ABCC4: variants seen among roughly 807,000 people sequenced by gnomAD.
ABCC4 encodes ATP-binding cassette sub-family C member 4.
Under a neutral mutation model 168.5 loss-of-function variants are expected in ABCC4, and 102 were observed. The ratio of observed to expected loss-of-function variants is 0.61; its 90% CI spans 0.52 to 0.71. The LOEUF is 0.71. Among genes scored for constraint, ABCC4 ranks in the 30% least tolerant of loss-of-function variants. The pLI is 0.00. For synonymous variants in ABCC4, 617 were observed against 590.7 expected (o/e 1.04, Z -0.65); for missense variants, 1,402 against 1,605.8 (o/e 0.87, Z 2.17).
At position 95,163,185 on chromosome 13, in the gene ABCC4, C is replaced by A; in HGVS notation, c.2245G>T (p.Val749Leu). Reference protein sequence around the residue: ...ANKQSMLNVTVNGGGNVTEKL... With the variant: ...ANKQSMLNVTLNGGGNVTEKL... ...TCGGTTACATTTCCTCCTCCATTTA[C>A]AGTGACATTTAGCATACTTTGTTTG... The change falls in exon 18 of 31, where the codon GTA becomes TTA. Residue 749 changes from valine (V) to leucine (L), a missense_variant. This residue lies in a region of ABCC4 where 1,007 missense variants were observed against 1,127.3 expected (regional missense o/e 0.89). Coordinates refer to ENST00000645237, the MANE Select transcript of ABCC4 (RefSeq NM_005845.5). 2.5e-6 allele frequency: 4 copies of A among 1,613,178 alleles called. No homozygotes were observed. Among genetic ancestry groups the A allele is most frequent in the Non-Finnish European group, 3.4e-6 (4 of 1,179,416 alleles).
intron 1 of ABCC4, among the ~76,000 whole-genome samples, chr13:95,295,952 G>C (rs561177498): frequency 4.5e-5 from 6 of 132,906 alleles, no homozygotes; most frequent in African/African-American, 1.9e-4. Flanking sequence ...GGGTGACAGT[G>C]AGACTCCGTC....
chr13:95,142,218 G>A (rs1223757072), intron 19 of ABCC4, among the ~76,000 whole-genome samples: 1 of 152,154 alleles, frequency 6.6e-6, no homozygotes, highest in African/African-American at 2.4e-5. Context: ...AGAAACCGTG[G>A]AATATAGATA....
At chr13:95,163,242 A>G in intron 17 of ABCC4, 26 bp from the exon 18 acceptor site, 1 of 1,417,596 alleles carries the variant, frequency 7.1e-7, no homozygotes, top group Non-Finnish European at 9.8e-7. Context: ...AGAAAAAAAT[A>G]TTAAGCTATA....
intron 26 of ABCC4, among the ~76,000 whole-genome samples, chr13:95,062,084 CCA>C (rs1276798931): frequency 2.6e-5 from 4 of 152,064 alleles, no homozygotes; most frequent in Admixed American, 2.6e-4. Flanking sequence ...GTGAAATACA[CCA>C]CACACTCTCA....
chr13:95,198,847 C>T (rs2038536953), intron 8 of ABCC4, among the ~76,000 whole-genome samples: 2 of 152,124 alleles, frequency 1.3e-5, no homozygotes, highest in Admixed American at 1.3e-4. Context: ...TCTCAGCAAA[C>T]TAACACAGGA....
intron 27 of ABCC4, among the ~76,000 whole-genome samples, chr13:95,050,416 T>G (rs1263393504): frequency 6.6e-6 from 1 of 152,084 alleles, no homozygotes; most frequent in Non-Finnish European, 1.5e-5. Context: ...CAGAAGGAAA[T>G]TTGGAAAATC....
chr13:95,169,834 T>C (rs2037405917), intron 14 of ABCC4, among the ~76,000 whole-genome samples: 1 of 152,200 alleles, frequency 6.6e-6, no homozygotes, highest in Non-Finnish European at 1.5e-5. Context: ...TATCCAACTG[T>C]GTTGCTGCTA....
At chr13:95,197,567 G>C (rs897701804) in intron 8 of ABCC4, among the ~76,000 whole-genome samples, 3 of 152,176 alleles carry the variant, frequency 2.0e-5, no homozygotes, top group Admixed American at 6.5e-5. Context: ...ACTTTCTCTA[G>C]TCACTCAGGA....
chr13:95,133,123 T>C (rs1409296276), intron 19 of ABCC4, among the ~76,000 whole-genome samples: 2 of 147,648 alleles, frequency 1.4e-5, no homozygotes, highest in South Asian at 2.2e-4. Context: ...TTTTTTTTTT[T>C]TTTTTTTGGA....
At chr13:95,104,835 T>C (rs940080495) in intron 20 of ABCC4, among the ~76,000 whole-genome samples, 1 of 151,760 alleles carries the variant, frequency 6.6e-6, no homozygotes, top group Admixed American at 6.6e-5. Context: ...GAGTGGAGGG[T>C]GCTGTGAATC....
chr13:95,148,992 AGCT>A (rs900557331), intron 19 of ABCC4: 2 of 152,196 alleles, frequency 1.3e-5, no homozygotes, highest in Non-Finnish European at 2.9e-5. Flanking sequence ...GGGAAATTAA[AGCT>A]TCTTCTGTTC....
rs560724708 is a variant in ABCC4, at chr13:95,064,374, CAT to C, written c.3211-1517_3211-1516del. On this transcript the variant is annotated intron_variant, in intron 25 of 30. Coordinates refer to ENST00000645237, the MANE Select transcript of ABCC4 (RefSeq NM_005845.5). Reference sequence around the variant, plus strand: ...TTCAAGACAGAGGTGTCACAAGTGACATAAACAGGTATTCATTTTTCCAGACT... The same window carrying C: ...TTCAAGACAGAGGTGTCACAAGTGACAAACAGGTATTCATTTTTCCAGACT... 2.5e-3 allele frequency among the ~76,000 whole-genome samples: 373 copies of C among 150,576 alleles called. 3 individuals are homozygous for C. The highest frequency in any genetic ancestry group is 8.6e-3 in the African/African-American group (355 of 41,058).
chr13:95,034,615 G>C lies in ABCC4; in HGVS notation c.3860C>G (p.Thr1287Arg). The change falls in exon 30 of 31, where the codon ACA (threonine) becomes AGA (arginine). Residue 1287 changes from threonine (T) to arginine (R), a missense_variant. Thr to Arg is a moderately conservative substitution (Grantham distance 71). Around this residue, in one of 3 missense-constraint regions of ABCC4, gnomAD observed 1,007 missense variants for 1,127.3 expected, o/e 0.89. Transcript: ENST00000645237. ...GKAEAAALTE[T>R]AKQVYFKRNY... is the part of the protein sequence containing the mutation. ...TTGGAGCACGCTCACCTGTTTTGCT[G>C]TTTCAGTGAGGGCAGCGGCTTCTGC... The C allele has an allele frequency of 6.2e-7, 1 of 1,613,320 alleles. No individual in the cohort carries two copies. Among genetic ancestry groups the C allele is most frequent in the Non-Finnish European group, 8.5e-7 (1 of 1,179,926 alleles).
intron 19 of ABCC4, among the ~76,000 whole-genome samples, chr13:95,160,767 C>T (rs541399620): frequency 2.6e-5 from 4 of 152,320 alleles, no homozygotes; most frequent in South Asian, 2.1e-4. Flanking sequence ...GCCTGTCTCA[C>T]GTCAGAGCAT....
At chr13:95,299,536 T>TTTC (rs1446972300) in intron 1 of ABCC4, among the ~76,000 whole-genome samples, 1 of 152,166 alleles carries the variant, frequency 6.6e-6, no homozygotes, top group African/African-American at 2.4e-5. Context: ...ATTCGTAAGC[T>TTTC]TTCTTAAAAC....
intron 1 of ABCC4, among the ~76,000 whole-genome samples, chr13:95,282,125 A>G (rs1442383525): frequency 1.4e-5 from 2 of 144,926 alleles, no homozygotes; most frequent in African/African-American, 2.6e-5. Flanking sequence ...CAACAGAGAG[A>G]GACTCCATCT....
intron 20 of ABCC4, among the ~76,000 whole-genome samples, chr13:95,105,489 T>C (rs1437356852): frequency 6.6e-6 from 1 of 151,632 alleles, no homozygotes; most frequent in Admixed American, 6.6e-5. Context: ...CCCCTGGAGG[T>C]TCAAGGACAA....
At chr13:95,134,836 T>A (rs1256822543) in intron 19 of ABCC4, among the ~76,000 whole-genome samples, 4 of 152,042 alleles carry the variant, frequency 2.6e-5, no homozygotes, top group Non-Finnish European at 4.4e-5. Flanking sequence ...CAGTACCAAA[T>A]GCCCAGAGGA....
intron 13 of ABCC4, among the ~76,000 whole-genome samples, chr13:95,171,627 A>C (rs2037481569): frequency 6.6e-6 from 1 of 152,162 alleles, no homozygotes; most frequent in Admixed American, 6.6e-5. Flanking sequence ...AGGGCCAAGA[A>C]CATAACTCAT....
Sources: allele counts gnomAD v4.1 joint callset (sites outside exome capture counted in the v4.1 genomes callset), GRCh38; gene constraint gnomAD v4.1.1; regional missense constraint gnomAD v4.1.1; transcripts MANE v1.5; gene names NCBI Gene and HGNC (gene_info 2026-07-23, HGNC 2026-07-21).